ANKS1B: variants seen among roughly 807,000 people sequenced by gnomAD.
ANKS1B encodes the protein ankyrin repeat and sterile alpha motif domain containing 1B, also known as ankyrin repeat and sterile alpha motif domain-containing protein 1B.
A neutral mutation model predicts 148.3 loss-of-function variants in ANKS1B; 36 were observed. That is an observed-to-expected ratio of 0.24 (90% CI 0.19 to 0.32). ANKS1B has a LOEUF of 0.32. ANKS1B is among the 10% of genes least tolerant of loss of function. The probability of loss-of-function intolerance (pLI) is 1.00; values close to 1 mark genes in which losing one functional copy is unlikely to be tolerated. For missense variants in ANKS1B, 1,157 were observed against 1,542.6 expected, an observed-to-expected ratio of 0.75 and a Z score of 4.19; for synonymous variants, 542 against 560.8, an observed-to-expected ratio of 0.97 and a Z score of 0.47.
intron 9 of ANKS1B, among the ~76,000 whole-genome samples, chr12:99,598,060 A>T (rs765283911): frequency 6.6e-6 from 1 of 152,092 alleles, no homozygotes; most frequent in Non-Finnish European, 1.5e-5. Flanking sequence ...CCTACCAAGA[A>T]GTAGAGAATT....
chr12:99,414,131 C>G (rs77585609), intron 11 of ANKS1B, among the ~76,000 whole-genome samples: 1 of 150,632 alleles, frequency 6.6e-6, no homozygotes. Context: ...TTTTTTTTTG[C>G]TTTTACCTAT....
rs71081896 is a variant in ANKS1B, at chr12:99,098,619, C to CTTTTTT, written c.2527-13602_2527-13597dup. Among the ~76,000 whole-genome samples the CTTTTTT allele has an allele frequency of 6.1e-3, 197 of 32,114 alleles. 54 individuals are homozygous for CTTTTTT. The highest frequency in any genetic ancestry group is 7.3e-3 in the African/African-American group (69 of 9,456). 21.1% of individuals were successfully genotyped at this position (32,114 alleles called of 152,430 possible). A position where few individuals can be genotyped will look rare whatever the true frequency, so the allele number is the denominator to read the frequency against. On this transcript the variant is annotated intron_variant, in intron 15 of 26. Transcript: ENST00000683438. ...AATAAAGCATGCCTGCTAGGAACTA[C>CTTTTTT]TTTTTTTTTTTTTTTTTTTTTTTTT...
At chr12:99,050,009 C>T (rs953054632) in intron 17 of ANKS1B, among the ~76,000 whole-genome samples, 2 of 152,134 alleles carry the variant, frequency 1.3e-5, no homozygotes, top group Admixed American at 6.5e-5. Flanking sequence ...TTAAAACTAG[C>T]GACTCATTAC....
chr12:98,840,065 A>C (rs899822431), intron 17 of ANKS1B, among the ~76,000 whole-genome samples: 2 of 152,078 alleles, frequency 1.3e-5, no homozygotes, highest in African/African-American at 4.8e-5. Context: ...CTCAACTCAA[A>C]CCCCTGTCAA....
intron 15 of ANKS1B, among the ~76,000 whole-genome samples, chr12:99,139,012 A>C (rs530545458): frequency 1.2e-5 from 1 of 85,504 alleles, no homozygotes; most frequent in Non-Finnish European, 2.3e-5. Flanking sequence ...CTCTCTCTCT[A>C]TTTTTCTGAA....
chr12:99,549,757 A>G (rs1511966), intron 9 of ANKS1B, among the ~76,000 whole-genome samples: 22,985 of 152,248 alleles, frequency 0.15, 1,867 homozygotes, highest in Non-Finnish European at 0.17. Context: ...AAGATAAAGA[A>G]GATCCTGTTA....
intron 17 of ANKS1B, among the ~76,000 whole-genome samples, chr12:98,989,472 C>T (rs956522481): frequency 6.6e-6 from 1 of 152,024 alleles, no homozygotes; most frequent in Non-Finnish European, 1.5e-5. Context: ...GTTTACGTGT[C>T]TATTTTTATG....
chr12:99,011,822 T>A (rs2099939598), intron 17 of ANKS1B, among the ~76,000 whole-genome samples: 1 of 152,270 alleles, frequency 6.6e-6, no homozygotes, highest in Middle Eastern at 3.4e-3. Context: ...ACAAGTCAAA[T>A]GGGTAAGAAA....
intron 17 of ANKS1B, among the ~76,000 whole-genome samples, chr12:99,039,048 A>G (rs1368263373): frequency 6.6e-6 from 1 of 152,242 alleles, no homozygotes; most frequent in African/African-American, 2.4e-5. Context: ...ATGCATTTCT[A>G]GAGACTAGAA....
At chr12:99,869,638 G>A (rs1033233488) in intron 1 of ANKS1B, among the ~76,000 whole-genome samples, 11 of 150,870 alleles carry the variant, frequency 7.3e-5, no homozygotes, top group South Asian at 4.2e-4. Context: ...CCAAGATCGC[G>A]CCATTGCACT....
chr12:99,075,425 A>C (rs1003900910), intron 16 of ANKS1B, among the ~76,000 whole-genome samples: 2 of 152,178 alleles, frequency 1.3e-5, no homozygotes, highest in Non-Finnish European at 2.9e-5. Context: ...ATGTGTGAGA[A>C]ATAAATTTAA....
intron 17 of ANKS1B, among the ~76,000 whole-genome samples, chr12:98,924,918 A>G (rs892362199): frequency 2.0e-5 from 3 of 152,258 alleles, no homozygotes; most frequent in Non-Finnish European, 4.4e-5. Flanking sequence ...AAGGCAAAGT[A>G]CATTATTTGC....
intron 17 of ANKS1B, among the ~76,000 whole-genome samples, chr12:99,025,185 T>C (rs2099948053): frequency 6.6e-6 from 1 of 152,222 alleles, no homozygotes; most frequent in African/African-American, 2.4e-5. Flanking sequence ...ATACGATTCA[T>C]ACATTTTCTC....
intron 3 of ANKS1B, 137 bp downstream of exon 3, chr12:99,812,018 C>T: frequency 9.3e-7 from 1 of 1,072,586 alleles, no homozygotes; most frequent in Non-Finnish European, 1.3e-6. Context: ...AAGAATTTTT[C>T]AAATTTCTCC....
intron 12 of ANKS1B, among the ~76,000 whole-genome samples, chr12:99,340,239 T>C (rs1166079700): frequency 6.6e-6 from 1 of 152,116 alleles, no homozygotes; most frequent in Non-Finnish European, 1.5e-5. Flanking sequence ...GCTCTGATGA[T>C]CAAAATTTAT....
intron 1 of ANKS1B, among the ~76,000 whole-genome samples, chr12:99,940,222 G>T (rs1449555099): frequency 6.6e-6 from 1 of 152,106 alleles, no homozygotes; most frequent in East Asian, 1.9e-4. Flanking sequence ...ATGCCTCAAG[G>T]TATCTCTGAG....
chr12:99,806,264 T>C (rs2067632573), intron 4 of ANKS1B, 140 bp downstream of exon 4: 2 of 987,132 alleles, frequency 2.0e-6, no homozygotes, highest in Non-Finnish European at 2.9e-6. Context: ...GTAGGTGGCA[T>C]AGTACCTTGA....
intron 12 of ANKS1B, among the ~76,000 whole-genome samples, chr12:99,329,924 C>A (rs1294077754): frequency 6.6e-6 from 1 of 151,832 alleles, no homozygotes; most frequent in Non-Finnish European, 1.5e-5. Context: ...CCAGAGCTCC[C>A]ACCCTCTTTA....
chr12:99,560,703 C>G (rs1258119354), intron 9 of ANKS1B, among the ~76,000 whole-genome samples: 1 of 152,036 alleles, frequency 6.6e-6, no homozygotes, highest in Non-Finnish European at 1.5e-5. Context: ...TGCTAACATG[C>G]TAACAATCAT....
Sources: gnomAD v4.1 joint callset for allele counts (sites outside exome capture counted in the v4.1 genomes callset) on GRCh38, gnomAD v4.1.1 for gene constraint, MANE v1.5 for transcripts, NCBI Gene and HGNC (gene_info 2026-07-23, HGNC 2026-07-21) for gene names.